Variants in PPM1H observed in about 807,000 individuals in gnomAD.
PPM1H encodes the protein protein phosphatase 1H.
Under a neutral mutation model 54.9 loss-of-function variants are expected in PPM1H, and 27 were observed. The ratio of observed to expected loss-of-function variants is 0.49; its 90% confidence interval spans 0.36 to 0.68. The LOEUF (loss-of-function observed/expected upper bound fraction) is 0.68. PPM1H is among the 30% of genes least tolerant of loss of function. The pLI, the probability that PPM1H is intolerant of heterozygous loss-of-function variation, is 0.00. For missense variants in PPM1H, 596 were observed against 667.8 expected (o/e 0.89, Z 1.19); for synonymous variants, 305 against 270.8 (o/e 1.13, Z -1.24).
rs115388654 is a variant in PPM1H at position 62,688,553 on chromosome 12, C to T, written c.1245+1146G>A. Among the ~76,000 whole-genome samples, 625 of 152,158 alleles carry T rather than the reference C, an allele frequency of 4.1e-3. 5 individuals are homozygous for T. Among genetic ancestry groups the T allele is most frequent in the African/African-American group, 0.014 (596 of 41,508 alleles). On this transcript the variant is annotated intron_variant, in intron 8 of 9. Coordinates refer to ENST00000228705, the MANE Select transcript of PPM1H (RefSeq NM_020700.2). ...ATATCCAGAAAGTCAACATAGAAAT[C>T]GATACTGTTTCCTATATGGTAAGAC...
intron 1 of PPM1H, among the ~76,000 whole-genome samples, chr12:62,915,106 A>G (rs1236896962): frequency 1.3e-5 from 2 of 152,190 alleles, no homozygotes; most frequent in African/African-American, 4.8e-5. Context: ...GGCGTTCACA[A>G]TCTTATGCAA....
intron 1 of PPM1H, among the ~76,000 whole-genome samples, chr12:62,874,999 TG>T (rs2121019398): frequency 6.6e-6 from 1 of 152,346 alleles, no homozygotes; most frequent in South Asian, 2.1e-4. Flanking sequence ...GCCTGTCTTC[TG>T]CCAAAGGGCA....
intron 2 of PPM1H, among the ~76,000 whole-genome samples, chr12:62,803,170 T>C (rs2076782120): frequency 6.6e-6 from 1 of 152,204 alleles, no homozygotes; most frequent in South Asian, 2.1e-4. Context: ...GTTCTCCAGC[T>C]GATGTCACTC....
chr12:62,683,347 C>T (rs953285482), intron 8 of PPM1H, among the ~76,000 whole-genome samples: 7 of 152,110 alleles, frequency 4.6e-5, no homozygotes, highest in Non-Finnish European at 8.8e-5. Flanking sequence ...TCTCATTTCA[C>T]TGATGTTCTC....
intron 2 of PPM1H, among the ~76,000 whole-genome samples, chr12:62,810,415 T>C (rs1365340950): frequency 1.3e-5 from 2 of 152,182 alleles, no homozygotes; most frequent in Non-Finnish European, 2.9e-5. Context: ...CTGGCTGTAC[T>C]TGATTTGCTG....
chr12:62,917,084 A>G lies in PPM1H; in HGVS notation c.245+17408T>C, dbSNP rs567836912. 8.3e-4 allele frequency among the ~76,000 whole-genome samples: 127 copies of G among 152,358 alleles called. 1 individual carries two copies. Among genetic ancestry groups the G allele is most frequent in the African/African-American group, 3.0e-3 (124 of 41,580 alleles). On this transcript the variant is annotated intron_variant, in intron 1 of 9. Coordinates refer to ENST00000228705, the MANE Select transcript of PPM1H (RefSeq NM_020700.2). ...TTAAAATATAATTTGACTTATGTGAATTTTCAAAACCAAACCTCAAGCAAG... is the reference window on the plus strand; with the variant it reads ...TTAAAATATAATTTGACTTATGTGAGTTTTCAAAACCAAACCTCAAGCAAG...
At chr12:62,655,784 A>G (rs2075841006) in intron 9 of PPM1H, among the ~76,000 whole-genome samples, 1 of 152,204 alleles carries the variant, frequency 6.6e-6, no homozygotes. Context: ...GCCAGGCTGC[A>G]TTAGACAACT....
chr12:62,843,105 C>T (rs1233550052), intron 1 of PPM1H, among the ~76,000 whole-genome samples: 1 of 152,178 alleles, frequency 6.6e-6, no homozygotes, highest in Non-Finnish European at 1.5e-5. Flanking sequence ...TGCTTGAGGT[C>T]AGGAGTTTGA....
At chr12:62,671,678 C>A (rs2075957594) in intron 8 of PPM1H, among the ~76,000 whole-genome samples, 1 of 152,182 alleles carries the variant, frequency 6.6e-6, no homozygotes, top group Non-Finnish European at 1.5e-5. Flanking sequence ...TGGTGGACCT[C>A]TCTGGGAAGG....
chr12:62,701,143 G>A (rs987767873), intron 6 of PPM1H, among the ~76,000 whole-genome samples: 2 of 152,166 alleles, frequency 1.3e-5, no homozygotes, highest in African/African-American at 4.8e-5. Flanking sequence ...CCTTCCCTAT[G>A]CAGAGGCTTT....
At chr12:62,900,597 T>TTA (rs1258652171) in intron 1 of PPM1H, among the ~76,000 whole-genome samples, 2 of 144,846 alleles carry the variant, frequency 1.4e-5, no homozygotes, top group Non-Finnish European at 3.0e-5. Context: ...TTACCAGTAG[T>TTA]TAAAAAAAAA....
intron 1 of PPM1H, among the ~76,000 whole-genome samples, chr12:62,867,115 T>C (rs1469626273): frequency 6.6e-6 from 1 of 152,144 alleles, no homozygotes; most frequent in Non-Finnish European, 1.5e-5. Context: ...CTTAAGACAG[T>C]GCATGGTAAT....
At chr12:62,656,976 G>A (rs765593097) in intron 9 of PPM1H, among the ~76,000 whole-genome samples, 6 of 152,136 alleles carry the variant, frequency 3.9e-5, no homozygotes, top group Non-Finnish European at 8.8e-5. Flanking sequence ...GATGCCCCTT[G>A]TGTAGCTCTG....
intron 3 of PPM1H, among the ~76,000 whole-genome samples, chr12:62,799,807 G>A (rs1255962224): frequency 6.6e-6 from 1 of 152,130 alleles, no homozygotes; most frequent in African/African-American, 2.4e-5. Flanking sequence ...GGAATACAGT[G>A]ACAAAAAAGC....
At chr12:62,772,610 T>C (rs1386069696) in intron 4 of PPM1H, among the ~76,000 whole-genome samples, 1 of 152,054 alleles carries the variant, frequency 6.6e-6, no homozygotes, top group African/African-American at 2.4e-5. Context: ...ATCAAAACCA[T>C]ATCAGGCCAT....
intron 2 of PPM1H, among the ~76,000 whole-genome samples, chr12:62,818,659 G>C (rs2076884397): frequency 6.6e-6 from 1 of 152,058 alleles, no homozygotes; most frequent in Non-Finnish European, 1.5e-5. Context: ...GTATCTATTT[G>C]CTATTTGCCA....
intron 2 of PPM1H, among the ~76,000 whole-genome samples, chr12:62,819,799 C>T (rs1333228616): frequency 1.3e-5 from 2 of 152,174 alleles, no homozygotes; most frequent in African/African-American, 2.4e-5. Flanking sequence ...AGCTCAAACA[C>T]GAGTCGGTTC....
Position 62,934,784 on chromosome 12 carries a change from G to A in PPM1H, c.-48C>T, listed in dbSNP as rs1397413321. 1.4e-6 allele frequency: 2 copies of A among 1,432,508 alleles called. No homozygotes were observed. The highest frequency in any genetic ancestry group is 1.8e-6 in the Non-Finnish European group (2 of 1,090,316). 88.7% of individuals were successfully genotyped at this position (1,432,508 alleles called of 1,614,324 possible). ...GCGGTGCGAGCAGGAGGCGGCGGGGGCCGGGCAAGGCGCAGCGCGGGGCAT... is the reference window on the plus strand; with the variant it reads ...GCGGTGCGAGCAGGAGGCGGCGGGGACCGGGCAAGGCGCAGCGCGGGGCAT... On this transcript the variant is annotated 5_prime_UTR_variant, in exon 1 of 10. Transcript: ENST00000228705. This position sits in a 1 kb window ranked among gnomAD's most constrained non-coding sequence, Gnocchi z 4.2.
At chr12:62,711,406 C>T (rs2076206293) in intron 6 of PPM1H, among the ~76,000 whole-genome samples, 1 of 152,178 alleles carries the variant, frequency 6.6e-6, no homozygotes, top group Admixed American at 6.5e-5. Flanking sequence ...CATCCTTGCT[C>T]TTAACTGCTA....
Sources: gnomAD v4.1 joint callset for allele counts (sites outside exome capture counted in the v4.1 genomes callset) on GRCh38, gnomAD v4.1.1 for gene constraint, Gnocchi (gnomAD v3.1) non-coding constraint, MANE v1.5 for transcripts, NCBI Gene and HGNC (gene_info 2026-07-23, HGNC 2026-07-21) for gene names.